The following ADAM22 variants were observed in gnomAD, a reference collection of about 807,000 sequenced individuals.
ADAM22 encodes the protein ADAM metallopeptidase domain 22.
In ADAM22, 65 loss-of-function variants were observed where a neutral mutation model predicts 144.6. That is an observed-to-expected ratio of 0.45 (90% CI 0.37 to 0.55). The LOEUF (loss-of-function observed/expected upper bound fraction) is 0.55. ADAM22 is among the 20% of genes least tolerant of loss of function. The probability of loss-of-function intolerance (pLI) is 0.00; values close to 1 mark genes in which losing one functional copy is unlikely to be tolerated. For synonymous variants in ADAM22, 391 were observed against 412.6 expected (o/e 0.95, Z 0.63); for missense variants, 974 against 1,184.9 (o/e 0.82, Z 2.61).
intron 26 of ADAM22, among the ~76,000 whole-genome samples, chr7:88,175,571 A>C (rs1002423447): frequency 6.6e-6 from 1 of 152,182 alleles, no homozygotes. Flanking sequence ...TATTTTGGCT[A>C]TTGTTCACTA....
At chr7:88,191,801 C>A (rs1223114652) in intron 30 of ADAM22, among the ~76,000 whole-genome samples, 4 of 152,068 alleles carry the variant, frequency 2.6e-5, no homozygotes, top group African/African-American at 9.6e-5. Context: ...AGCCATTTTT[C>A]AAAAATAGGA....
At chr7:88,123,074 T>C (rs1247171806) in intron 7 of ADAM22, among the ~76,000 whole-genome samples, 1 of 152,178 alleles carries the variant, frequency 6.6e-6, no homozygotes, top group East Asian at 1.9e-4. Flanking sequence ...TTGTATAAAT[T>C]GATGTTTTGA....
chr7:87,962,981 A>T (rs1848312975), intron 2 of ADAM22, among the ~76,000 whole-genome samples: 1 of 152,220 alleles, frequency 6.6e-6, no homozygotes, highest in Admixed American at 6.5e-5. Context: ...TCACAGTTTT[A>T]AAACAGAGGG....
intron 3 of ADAM22, among the ~76,000 whole-genome samples, chr7:88,023,475 A>G (rs957072857): frequency 6.6e-6 from 1 of 152,206 alleles, no homozygotes. Context: ...GCTGGAATGC[A>G]ATGGCATGAT....
chr7:87,938,897 C>T (rs1562797614), intron 2 of ADAM22, among the ~76,000 whole-genome samples: 1 of 152,186 alleles, frequency 6.6e-6, no homozygotes, highest in South Asian at 2.1e-4. Context: ...GATCCGCCCA[C>T]CTTGGCATCC....
chr7:88,006,979 A>G (rs1391274317), intron 3 of ADAM22, among the ~76,000 whole-genome samples: 1 of 152,022 alleles, frequency 6.6e-6, no homozygotes, highest in Admixed American at 6.6e-5. Context: ...TTTGCAGATG[A>G]CATGATTGTA....
rs559595872 is a variant in ADAM22, at chr7:87,935,120, C to A, written c.180C>A (p.Gly60=). 9 of 1,613,710 alleles carry A rather than the reference C, an allele frequency of 5.6e-6. No individual in the cohort carries two copies. The East Asian group carries it at 2.0e-4, about 36-fold the overall frequency. ...IVPLRLIYRS[G]GEDESRHDAL... is the part of the protein sequence containing the mutation. Reference sequence around the variant, plus strand: ...CACTGCGCCTCATCTACCGCTCGGGCGGCGAAGACGAAAGTCGGCACGACG... The same window carrying A: ...CACTGCGCCTCATCTACCGCTCGGGAGGCGAAGACGAAAGTCGGCACGACG... Residue 60 remains glycine, a synonymous_variant, in exon 2 of 32, where the codon GGC becomes GGA. Coordinates refer to ENST00000413139, the MANE Select transcript of ADAM22 (RefSeq NM_001324418.2).
intron 2 of ADAM22, among the ~76,000 whole-genome samples, chr7:87,943,441 T>C (rs1279431626): frequency 6.6e-6 from 1 of 152,122 alleles, no homozygotes; most frequent in Non-Finnish European, 1.5e-5. Context: ...GGAACATACC[T>C]AACGTTATTT....
intron 9 of ADAM22, among the ~76,000 whole-genome samples, chr7:88,130,091 A>C (rs1265985100): frequency 6.6e-6 from 1 of 151,528 alleles, no homozygotes; most frequent in Non-Finnish European, 1.5e-5. Context: ...TTGAATAACA[A>C]TCCCAATAAA....
In ADAM22 at chr7:88,040,453, A is replaced by G. The variant is rs150414197; in HGVS notation, c.324-35173A>G. On this transcript the variant is annotated intron_variant, in intron 3 of 31. Coordinates refer to ENST00000413139, the MANE Select transcript of ADAM22 (RefSeq NM_001324418.2). The stretch of plus-strand genomic sequence containing the variant: ...AGCCAACACATCCATTGTTAAACTC[A>G]TCAGCTTACTCCCCATCACCATCAG... 2.9e-3 allele frequency among the ~76,000 whole-genome samples: 442 copies of G among 152,110 alleles called. 5 individuals are homozygous for G. The highest frequency in any genetic ancestry group is 0.01 in the African/African-American group (417 of 41,542).
At chr7:87,937,099 G>A (rs1044232261) in intron 2 of ADAM22, among the ~76,000 whole-genome samples, 1 of 152,058 alleles carries the variant, frequency 6.6e-6, no homozygotes, top group African/African-American at 2.4e-5. Context: ...TGGATTACAG[G>A]CATGTGCCAC....
chr7:87,999,138 A>G (rs1387643666), intron 3 of ADAM22, among the ~76,000 whole-genome samples: 2 of 152,220 alleles, frequency 1.3e-5, no homozygotes, highest in Non-Finnish European at 1.5e-5. Flanking sequence ...AGCACCCACT[A>G]CTTGAGAGAA....
At chr7:88,089,269 A>T (rs1484417628) in intron 4 of ADAM22, among the ~76,000 whole-genome samples, 4 of 152,086 alleles carry the variant, frequency 2.6e-5, no homozygotes, top group South Asian at 4.1e-4. Context: ...TATATATATA[A>T]AAAAAGAAAA....
chr7:88,134,181 T>G (rs1267767826), intron 12 of ADAM22, 148 bp from the exon 13 acceptor site: 12 of 507,680 alleles, frequency 2.4e-5, no homozygotes, highest in African/African-American at 4.0e-5. Context: ...CAAATGCATA[T>G]TCAGTGCTGG....
At chr7:88,133,904 C>G (rs149804369) in intron 12 of ADAM22, among the ~76,000 whole-genome samples, 186 of 152,308 alleles carry the variant, frequency 1.2e-3, no homozygotes, top group South Asian at 2.5e-3. Context: ...AAGCTACATT[C>G]TATTCCACTT....
intron 2 of ADAM22, among the ~76,000 whole-genome samples, chr7:87,948,328 C>A (rs1198326296): frequency 6.6e-6 from 1 of 152,196 alleles, no homozygotes; most frequent in Admixed American, 6.5e-5. Context: ...TAATTCAACA[C>A]GCTTTCCATT....
intron 4 of ADAM22, among the ~76,000 whole-genome samples, chr7:88,086,004 G>A (rs1469741342): frequency 2.6e-5 from 4 of 151,944 alleles, no homozygotes; most frequent in African/African-American, 7.3e-5. Flanking sequence ...GTGAAACCCC[G>A]TCTCTACTAA....
chr7:87,955,849 G>C (rs1584582464), intron 2 of ADAM22, among the ~76,000 whole-genome samples: 1 of 152,142 alleles, frequency 6.6e-6, no homozygotes, highest in East Asian at 1.9e-4. Flanking sequence ...CCCTCCCCCA[G>C]CCTCGCTGCT....
chr7:88,112,249 GA>G (rs1172645218), intron 5 of ADAM22, among the ~76,000 whole-genome samples: 2 of 152,226 alleles, frequency 1.3e-5, no homozygotes, highest in East Asian at 3.8e-4. Flanking sequence ...ACATGTGGCT[GA>G]AAACAGTGCA....
Sources: allele counts gnomAD v4.1 joint callset (sites outside exome capture counted in the v4.1 genomes callset), GRCh38; gene constraint gnomAD v4.1.1; transcripts MANE v1.5; gene names NCBI Gene and HGNC (gene_info 2026-07-23, HGNC 2026-07-21).